Variants in CC2D1A observed in about 807,000 individuals in gnomAD.
The protein encoded by CC2D1A is coiled-coil and C2 domain-containing protein 1A.
CC2D1A carries 68 observed loss-of-function variants against 123.8 expected under a neutral mutation model. That is an observed-to-expected ratio of 0.55 (90% CI 0.45 to 0.67). The LOEUF (loss-of-function observed/expected upper bound fraction) is 0.67, where lower values mean the gene tolerates loss of function less well. Among genes scored for constraint, CC2D1A ranks in the 30% least tolerant of loss-of-function variants. CC2D1A has a pLI of 0.00. For synonymous variants in CC2D1A, 477 were observed against 528.0 expected (o/e 0.90, Z 1.32); for missense variants, 1,185 against 1,290.3 (o/e 0.92, Z 1.25).
In CC2D1A at chr19:13,926,651, C is replaced by T. The variant is rs369545962; in HGVS notation, c.2015-16C>T. On this transcript the variant is annotated splice_polypyrimidine_tract_variant and intron_variant, in intron 18 of 28. Coordinates refer to ENST00000318003, the MANE Select transcript of CC2D1A (RefSeq NM_017721.5). ...GACCCCCTCTCTGCCCAGCTCTGAC[C>T]GTTGTTTGCCCACAGGACTGTCCCC... The T allele has an allele frequency of 8.1e-5, 131 of 1,614,152 alleles. 1 individual carries two copies. Among genetic ancestry groups the T allele is most frequent in the African/African-American group, 3.6e-4 (27 of 75,032 alleles).
intron 6 of CC2D1A, among the ~76,000 whole-genome samples, chr19:13,915,923 C>T (rs774262784): frequency 6.6e-6 from 1 of 152,112 alleles, no homozygotes; most frequent in African/African-American, 2.4e-5. Context: ...AGGTACATTT[C>T]TGGTAGAATT....
In CC2D1A at chr19:13,919,055, T is replaced by A. The variant is rs760908544; in HGVS notation, c.1149+13T>A. The A allele has an allele frequency of 6.2e-7, 1 of 1,604,336 alleles. No individual in the cohort carries two copies. The highest frequency in any genetic ancestry group is 1.1e-5 in the South Asian group (1 of 90,194). ...GCGCATCGTCAAGGTGCCCTGGGGGTTCCGGGGGAGGTGGGGCGAGTGGGC... is the reference window on the plus strand; with the variant it reads ...GCGCATCGTCAAGGTGCCCTGGGGGATCCGGGGGAGGTGGGGCGAGTGGGC... On this transcript the variant is annotated intron_variant, in intron 10 of 28. Coordinates refer to ENST00000318003, the MANE Select transcript of CC2D1A (RefSeq NM_017721.5).
intron 1 of CC2D1A, among the ~76,000 whole-genome samples, chr19:13,907,912 T>C (rs1970839139): frequency 6.6e-6 from 1 of 152,216 alleles, no homozygotes. Context: ...TTTCATATGG[T>C]TAAACACGAT....
chr19:13,910,271 G>A (rs1970952968), intron 2 of CC2D1A, among the ~76,000 whole-genome samples: 2 of 151,664 alleles, frequency 1.3e-5, no homozygotes, highest in African/African-American at 4.8e-5. Flanking sequence ...AGCCGGGCGT[G>A]GTGGCGGGCG....
At chr19:13,913,728 T>G in intron 6 of CC2D1A, 90 bp downstream of exon 6, 1 of 986,146 alleles carries the variant, frequency 1.0e-6, no homozygotes, top group Non-Finnish European at 1.5e-6. Flanking sequence ...TGTGCACTGA[T>G]TGTGAGATAT....
chr19:13,927,818 T>C (rs1481872559), intron 22 of CC2D1A, 75 bp from the exon 23 acceptor site: 2 of 1,459,958 alleles, frequency 1.4e-6, no homozygotes, highest in South Asian at 1.2e-5. Context: ...ACCAGTCTTG[T>C]TCTCCCTTGT....
Position 13,919,208 on chromosome 19 carries a change from C to A in CC2D1A, c.1222+6C>A, listed in dbSNP as rs970198932. On this transcript the variant is annotated splice_donor_region_variant and intron_variant, in intron 11 of 28. Transcript: ENST00000318003. ...TGAATTGCCCGTGCCCCCAGGTAGG[C>A]CTTGCCCCTGTAGGCCTCGCCCCAG... 6.2e-7 allele frequency: 1 copy of A among 1,609,304 alleles called. No individual in the cohort carries two copies. Among genetic ancestry groups the A allele is most frequent in the Non-Finnish European group, 8.5e-7 (1 of 1,177,652 alleles).
rs2145373028 is a variant in CC2D1A, at chr19:13,928,140, A to G, written c.2471A>G (p.Lys824Arg). 1 of 1,613,304 alleles carries G rather than the reference A, an allele frequency of 6.2e-7. No homozygotes were observed. The highest frequency in any genetic ancestry group is 8.5e-7 in the Non-Finnish European group (1 of 1,179,910). ...AAVPTQVAGP[K>R]GKAPPVPAPA... ...CCTCTGAAGCAGGTTGCTGGGCCCA[A>G]AGGGAAGGCCCCTCCTGTGCCTGCC... is the stretch of plus-strand genomic sequence containing the variant. The change falls in exon 24 of 29, where the codon AAA becomes AGA. Residue 824 changes from lysine to arginine, a missense_variant. Transcript: ENST00000318003.
At chr19:13,917,793 A>G (rs1971256460) in intron 6 of CC2D1A, among the ~76,000 whole-genome samples, 1 of 152,196 alleles carries the variant, frequency 6.6e-6, no homozygotes, top group Non-Finnish European at 1.5e-5. Context: ...AGCCTGGCCA[A>G]CACGGCGAAA....
In CC2D1A at chr19:13,920,548, C is replaced by G; in HGVS notation, c.1357-9C>G. On this transcript the variant is annotated splice_polypyrimidine_tract_variant and intron_variant, in intron 12 of 28. Transcript: ENST00000318003. ...CGAAATCTCTAACATCCTCTCTCTT[C>G]CTCTACAGCAGAACAGCCCTGTGGC... The G allele has an allele frequency of 6.6e-7, 1 of 1,514,326 alleles. No individual in the cohort carries two copies. Among genetic ancestry groups the G allele is most frequent in the South Asian group, 1.1e-5 (1 of 87,346 alleles). The allele number at this position is 1,514,326 out of a possible 1,614,324, so 93.8% of individuals were successfully genotyped here. A position where few individuals can be genotyped will look rare whatever the true frequency, so the allele number is the denominator to read the frequency against.
chr19:13,906,467 G>A lies in CC2D1A; in HGVS notation c.26G>A (p.Gly9Glu), dbSNP rs1489105685. The A allele has an allele frequency of 2.0e-6, 3 of 1,516,752 alleles. No individual in the cohort carries two copies. Among genetic ancestry groups the A allele is most frequent in the Admixed American group, 4.2e-5 (2 of 48,040 alleles). The allele number at this position is 1,516,752 out of a possible 1,614,324, so 94.0% of individuals were successfully genotyped here. The change falls in exon 1 of 29, where the codon GGA (glycine) becomes GAA (glutamate). Residue 9 changes from glycine (G) to glutamate (E), a missense_variant. Gly to Glu is a moderately conservative substitution (Grantham distance 98). Transcript: ENST00000318003. This position sits in a 1 kb window ranked among gnomAD's most constrained non-coding sequence, Gnocchi z 4.1. ...ATGCACAAGAGGAAAGGACCCCCGG[G>A]ACCCCCGGGCAGAGGCGCCGCGGCC... MHKRKGPP[G>E]PPGRGAAAAR... is the part of the protein sequence containing the mutation.
intron 6 of CC2D1A, 93 bp from the exon 7 acceptor site, chr19:13,917,977 A>G: frequency 1.6e-6 from 2 of 1,267,174 alleles, no homozygotes; most frequent in East Asian, 2.8e-5. Context: ...TCTGAAAAAG[A>G]AAAAAAAAAT....
chr19:13,918,889 C>G (rs754413580), intron 9 of CC2D1A, 23 bp from the exon 10 acceptor site: 1 of 1,607,092 alleles, frequency 6.2e-7, no homozygotes, highest in Non-Finnish European at 8.5e-7. Context: ...TGACTCTTAA[C>G]CTTGTCCCCC....
intron 17 of CC2D1A, among the ~76,000 whole-genome samples, chr19:13,926,017 TATATATATGTGTATATATATATATATAC>T (rs1568418846): frequency 0.024 from 2,663 of 111,014 alleles, 167 homozygotes; most frequent in African/African-American, 0.11. Flanking sequence ...TATATATACG[TATATATATGTGTATATATATATATATAC>T]ACGTATATAT....
chr19:13,912,939 C>T (rs961244721), intron 4 of CC2D1A, among the ~76,000 whole-genome samples: 1 of 152,214 alleles, frequency 6.6e-6, no homozygotes, highest in Non-Finnish European at 1.5e-5. Context: ...AGCCACCGCG[C>T]CTGGCCCACC....
intron 6 of CC2D1A, among the ~76,000 whole-genome samples, chr19:13,917,571 C>T (rs2145324994): frequency 6.6e-6 from 1 of 152,230 alleles, no homozygotes; most frequent in South Asian, 2.1e-4. Context: ...TGGTGAAACC[C>T]CGTCTCTACT....
chr19:13,914,748 G>A (rs1181998791), intron 6 of CC2D1A, among the ~76,000 whole-genome samples: 1 of 151,178 alleles, frequency 6.6e-6, no homozygotes, highest in Non-Finnish European at 1.5e-5. Context: ...CAATCCTCCC[G>A]CCTCAGCCTC....
intron 26 of CC2D1A, 135 bp from the exon 27 acceptor site, chr19:13,929,937 TCGGGGA>T (rs1971829139): frequency 4.1e-6 from 1 of 241,488 alleles, no homozygotes; most frequent in African/African-American, 9.1e-5. Context: ...GGGGAGGGGC[TCGGGGA>T]TGGGCACCTG....
intron 24 of CC2D1A, among the ~76,000 whole-genome samples, chr19:13,928,486 C>T (rs1443175287): frequency 6.6e-6 from 1 of 151,880 alleles, no homozygotes; most frequent in Non-Finnish European, 1.5e-5. Context: ...GTGCCCTGAA[C>T]ACCCCTACCT....
Sources: gnomAD v4.1 joint callset for allele counts (sites outside exome capture counted in the v4.1 genomes callset) on GRCh38, gnomAD v4.1.1 for gene constraint, Gnocchi (gnomAD v3.1) non-coding constraint, MANE v1.5 for transcripts, NCBI Gene and HGNC (gene_info 2026-07-23, HGNC 2026-07-21) for gene names.